Variants in MYOM2 observed in about 807,000 individuals in gnomAD.
The protein encoded by MYOM2 is myomesin 2, also known as myomesin-2.
MYOM2 carries 254 observed loss-of-function variants against 187.6 expected under a neutral mutation model. The ratio of observed to expected loss-of-function variants is 1.35; its 90% confidence interval spans 1.22 to 1.50. The LOEUF is 1.50. Among genes scored for constraint, MYOM2 ranks in the 40% most tolerant of loss-of-function variants. The probability of loss-of-function intolerance (pLI) is 0.00; values close to 1 mark genes in which losing one functional copy is unlikely to be tolerated. For synonymous variants in MYOM2, 981 were observed against 753.8 expected, an observed-to-expected ratio of 1.30 and a Z score of -4.94; for missense variants, 2,796 against 1,924.0, an observed-to-expected ratio of 1.45 and a Z score of -8.48.
chr8:2,089,349 G>A (rs1348184726), intron 14 of MYOM2, among the ~76,000 whole-genome samples: 2 of 151,484 alleles, frequency 1.3e-5, no homozygotes. Context: ...ATATAAAATA[G>A]CCACATTAAC....
intron 8 of MYOM2, among the ~76,000 whole-genome samples, 163 bp downstream of exon 8, chr8:2,069,660 T>C (rs1770608890): frequency 6.6e-6 from 1 of 152,016 alleles, no homozygotes; most frequent in South Asian, 2.1e-4. Flanking sequence ...CGGCTCACCA[T>C]AAGCTCCGCC....
chr8:2,145,231 G>C lies in MYOM2; in HGVS notation c.*250G>C, dbSNP rs1282987971. Reference sequence around the variant, plus strand: ...GGGTAGACGGCAGATGCCTGACAGAGAGTGGGTTGGCAGACAACACACTAG... The same window carrying C: ...GGGTAGACGGCAGATGCCTGACAGACAGTGGGTTGGCAGACAACACACTAG... On this transcript the variant is annotated 3_prime_UTR_variant, in exon 37 of 37. Transcript: ENST00000262113. 1 of 571,082 alleles carries C rather than the reference G, an allele frequency of 1.8e-6. No homozygotes were observed. Among genetic ancestry groups the C allele is most frequent in the African/African-American group, 1.9e-5 (1 of 53,052 alleles). 35.4% of individuals were successfully genotyped at this position (571,082 alleles called of 1,614,324 possible). A position where few individuals can be genotyped will look rare whatever the true frequency, so the allele number is the denominator to read the frequency against.
chr8:2,058,009 T>G (rs901539475), intron 5 of MYOM2, among the ~76,000 whole-genome samples: 4 of 20,972 alleles, frequency 1.9e-4, no homozygotes, highest in African/African-American at 6.6e-4. Flanking sequence ...TTTTTTTTTT[T>G]TTTTTTTTTT....
intron 6 of MYOM2, among the ~76,000 whole-genome samples, chr8:2,061,515 G>T (rs1363560570): frequency 6.6e-6 from 1 of 152,144 alleles, no homozygotes; most frequent in African/African-American, 2.4e-5. Context: ...GGTGGCTTCA[G>T]CCAGCTCTTC....
At chr8:2,054,556 T>G (rs1818594345) in intron 3 of MYOM2, among the ~76,000 whole-genome samples, 1 of 152,234 alleles carries the variant, frequency 6.6e-6, no homozygotes, top group African/African-American at 2.4e-5. Flanking sequence ...GACTTGGGGT[T>G]GGCTGTGGGA....
At chr8:2,133,862 A>G (rs1267712585) in intron 32 of MYOM2, among the ~76,000 whole-genome samples, 1 of 152,000 alleles carries the variant, frequency 6.6e-6, no homozygotes, top group Non-Finnish European at 1.5e-5. Flanking sequence ...AATTTATAAT[A>G]TTTCTAAATC....
At chr8:2,066,710 G>C (rs1563425105) in intron 6 of MYOM2, among the ~76,000 whole-genome samples, 1 of 152,212 alleles carries the variant, frequency 6.6e-6, no homozygotes, top group Non-Finnish European at 1.5e-5. Context: ...ATGCGTATGT[G>C]AGTATTATGT....
chr8:2,078,880 G>A lies in MYOM2; in HGVS notation c.1409G>A (p.Arg470Lys). ...AGTGCGGGCATCAGCCGACCCTCCA[G>A]GGTCTCTGATGCGGTGGCTGCACTT... ...VNSAGISRPS[R>K]VSDAVAALDP... is the part of the protein sequence containing the mutation. Residue 470 changes from arginine to lysine, a missense_variant, in exon 12 of 37, where the codon AGG (arginine) becomes AAG (lysine). Transcript: ENST00000262113. 6.2e-7 allele frequency: 1 copy of A among 1,614,048 alleles called. No homozygotes were observed. The highest frequency in any genetic ancestry group is 8.5e-7 in the Non-Finnish European group (1 of 1,179,916).
intron 32 of MYOM2, among the ~76,000 whole-genome samples, chr8:2,134,369 C>G (rs562984644): frequency 1.3e-5 from 2 of 152,286 alleles, no homozygotes; most frequent in African/African-American, 2.4e-5. Context: ...TCCGTTTTAG[C>G]TGGAATACAA....
chr8:2,135,361 G>C (rs62480003), intron 32 of MYOM2, among the ~76,000 whole-genome samples: 25,339 of 152,036 alleles, frequency 0.17, 2,471 homozygotes, highest in Middle Eastern at 0.26. Context: ...ACATAGTTAT[G>C]TTCATTTGTT....
In MYOM2 at chr8:2,096,727, G is replaced by A. The variant is rs113796310; in HGVS notation, c.2313+293G>A. ...CCCAGTACCTGTGGTAATGTCCCTT[G>A]TTCTAGGCTCTGAGGCCTTGAGGGC... On this transcript the variant is annotated intron_variant, in intron 18 of 36. Transcript: ENST00000262113. Among the ~76,000 whole-genome samples, 326 of 152,292 alleles carry A rather than the reference G, an allele frequency of 2.1e-3. 2 individuals are homozygous for A. Among genetic ancestry groups the A allele is most frequent in the African/African-American group, 7.5e-3 (311 of 41,560 alleles).
chr8:2,058,709 G>A lies in MYOM2; in HGVS notation c.561-444G>A, dbSNP rs552016641. On this transcript the variant is annotated intron_variant, in intron 5 of 36. Transcript: ENST00000262113. The stretch of plus-strand genomic sequence containing the variant: ...GCTGAGGCTCGCCTGCTCTTGATGC[G>A]GAGGTGCTGGGGTGGATGTGGTCCT... 7.2e-5 allele frequency among the ~76,000 whole-genome samples: 11 copies of A among 152,234 alleles called. No individual in the cohort carries two copies. The South Asian group carries it at 1.7e-3, about 23-fold the overall frequency.
intron 2 of MYOM2, 48 bp downstream of exon 2, chr8:2,050,921 G>T: frequency 1.4e-6 from 2 of 1,437,774 alleles, no homozygotes; most frequent in Non-Finnish European, 1.9e-6. Flanking sequence ...GATTATGGGG[G>T]TCTGACATTT....
intron 25 of MYOM2, among the ~76,000 whole-genome samples, chr8:2,113,342 A>G (rs1481915988): frequency 6.6e-6 from 1 of 152,230 alleles, no homozygotes. Context: ...AACACAATCC[A>G]CTAGCAGCCA....
chr8:2,118,830 G>C, intron 28 of MYOM2: 1 of 153,200 alleles, frequency 6.5e-6, no homozygotes, highest in Non-Finnish European at 1.5e-5. Context: ...GCTGGAGGTG[G>C]CAGGGCTGGA....
At chr8:2,141,233 G>A (rs368751335) in intron 34 of MYOM2, 56 bp downstream of exon 34, 894 of 1,510,730 alleles carry the variant, frequency 5.9e-4, no homozygotes, top group Middle Eastern at 1.7e-3. Flanking sequence ...AGTCCCAGTC[G>A]TTTTGGCTGC....
chr8:2,086,783 T>C, intron 14 of MYOM2, among the ~76,000 whole-genome samples: 1 of 152,196 alleles, frequency 6.6e-6, no homozygotes, highest in East Asian at 1.9e-4. Flanking sequence ...GTCTCCTTCC[T>C]GCTGCAACAT....
At chr8:2,114,304 G>A (rs1234498623) in intron 25 of MYOM2, among the ~76,000 whole-genome samples, 1 of 152,334 alleles carries the variant, frequency 6.6e-6, no homozygotes, top group East Asian at 1.9e-4. Flanking sequence ...GTGATACAGT[G>A]TAACCTAGAA....
At chr8:2,118,998 C>T (rs944471743) in intron 28 of MYOM2, 1 of 152,086 alleles carries the variant, frequency 6.6e-6, no homozygotes, top group African/African-American at 2.4e-5. Context: ...ACTGGAGGAC[C>T]GAGTGGGTGT....
Sources: allele counts gnomAD v4.1 joint callset (sites outside exome capture counted in the v4.1 genomes callset), GRCh38; gene constraint gnomAD v4.1.1; transcripts MANE v1.5; gene names NCBI Gene and HGNC (gene_info 2026-07-23, HGNC 2026-07-21).